The following PLPP3 variants were observed in gnomAD, a reference collection of about 807,000 sequenced individuals.
PLPP3 encodes the protein phospholipid phosphatase 3.
Under a neutral mutation model 29.6 loss-of-function variants are expected in PLPP3, and 6 were observed. The ratio of observed to expected loss-of-function variants is 0.20; its 90% CI spans 0.11 to 0.40. The LOEUF (loss-of-function observed/expected upper bound fraction) is 0.40. PLPP3 is among the 10% of genes least tolerant of loss of function. The pLI, the probability that PLPP3 is intolerant of heterozygous loss-of-function variation, is 1.00. For synonymous variants in PLPP3, 152 were observed against 159.7 expected (o/e 0.95, Z 0.36); for missense variants, 308 against 407.7 (o/e 0.76, Z 2.11).
intron 4 of PLPP3, among the ~76,000 whole-genome samples, chr1:56,516,735 A>C (rs1004301793): frequency 6.6e-6 from 1 of 151,750 alleles, no homozygotes; most frequent in African/African-American, 2.4e-5. Context: ...CTTGTATATA[A>C]TCTTAAAGGC....
chr1:56,568,332 AT>A (rs1258505879), intron 1 of PLPP3, among the ~76,000 whole-genome samples: 2 of 152,222 alleles, frequency 1.3e-5, no homozygotes, highest in African/African-American at 4.8e-5. Flanking sequence ...GAATATCTCA[AT>A]AAAGCTCTTT....
chr1:56,535,717 G>T (rs1569888303), intron 2 of PLPP3, among the ~76,000 whole-genome samples: 1 of 152,244 alleles, frequency 6.6e-6, no homozygotes, highest in South Asian at 2.1e-4. Flanking sequence ...GGAAGGATGG[G>T]AGGAGACACA....
chr1:56,547,025 T>C (rs1443069389), intron 1 of PLPP3, among the ~76,000 whole-genome samples: 1 of 152,158 alleles, frequency 6.6e-6, no homozygotes, highest in Admixed American at 6.5e-5. Context: ...CCATCAGATA[T>C]TTGTTGGCAT....
rs1208570699 is a variant in PLPP3 at position 56,524,690 on chromosome 1, T to G, written c.298-136A>C. On this transcript the variant is annotated intron_variant, in intron 2 of 5. Coordinates refer to ENST00000371250, the MANE Select transcript of PLPP3 (RefSeq NM_003713.5). The surrounding 1 kb of genome is among the most constrained non-coding windows in gnomAD (Gnocchi z 4.3). ...GTCCTAATTTTCTATTTATGAAATA[T>G]ACAGACACAAATATGCACAGAAGAA... 1 of 1,062,616 alleles carries G rather than the reference T, an allele frequency of 9.4e-7. No homozygotes were observed. The highest frequency in any genetic ancestry group is 1.3e-6 in the Non-Finnish European group (1 of 744,190). 65.8% of individuals were successfully genotyped at this position (1,062,616 alleles called of 1,614,324 possible).
At chr1:56,548,001 C>G (rs1187603239) in intron 1 of PLPP3, among the ~76,000 whole-genome samples, 1 of 152,218 alleles carries the variant, frequency 6.6e-6, no homozygotes, top group African/African-American at 2.4e-5. Flanking sequence ...CTCTTCCTTC[C>G]CAGTCCTGAA....
At chr1:56,506,581 C>G (rs555766612) in intron 5 of PLPP3, among the ~76,000 whole-genome samples, 169 of 152,344 alleles carry the variant, frequency 1.1e-3, no homozygotes, top group African/African-American at 3.9e-3. Flanking sequence ...CAGCCGGGCC[C>G]TCCCCTGACC....
intron 4 of PLPP3, chr1:56,512,657 C>T (rs1266453074): frequency 6.6e-6 from 1 of 152,234 alleles, no homozygotes; most frequent in Non-Finnish European, 1.5e-5. Context: ...TAAATAAATG[C>T]TGAGTCTTAG....
intron 1 of PLPP3, among the ~76,000 whole-genome samples, chr1:56,565,557 A>AT (rs1646156246): frequency 6.6e-6 from 1 of 152,006 alleles, no homozygotes; most frequent in African/African-American, 2.4e-5. Flanking sequence ...AGTAGCTGGG[A>AT]TTACAGGCAC....
intron 1 of PLPP3, among the ~76,000 whole-genome samples, chr1:56,557,536 C>T (rs963029790): frequency 1.3e-5 from 2 of 152,124 alleles, no homozygotes; most frequent in African/African-American, 4.8e-5. Context: ...ATACAGTAGG[C>T]AGTTGATACA....
At chr1:56,575,472 G>T (rs1646229352) in intron 1 of PLPP3, among the ~76,000 whole-genome samples, 1 of 152,304 alleles carries the variant, frequency 6.6e-6, no homozygotes, top group African/African-American at 2.4e-5. Context: ...CACGGTTGCT[G>T]ACCACCCAAA....
intron 1 of PLPP3, among the ~76,000 whole-genome samples, chr1:56,554,689 G>A (rs907841603): frequency 5.1e-4 from 78 of 152,250 alleles, no homozygotes; most frequent in African/African-American, 1.8e-3. Context: ...AGATGACTAG[G>A]GTAGCTCTTT....
intron 1 of PLPP3, among the ~76,000 whole-genome samples, chr1:56,544,307 T>G (rs368950470): frequency 1.3e-5 from 2 of 152,214 alleles, no homozygotes; most frequent in Admixed American, 1.3e-4. Context: ...GGTTCATATC[T>G]TTAATTGAAA....
chr1:56,560,897 G>A (rs952074289), intron 1 of PLPP3, among the ~76,000 whole-genome samples: 50 of 142,714 alleles, frequency 3.5e-4, no homozygotes, highest in Admixed American at 2.9e-3. Flanking sequence ...GAGTGCAGTG[G>A]CCTGATCTCG....
At chr1:56,511,913 G>A in intron 5 of PLPP3, 63 bp downstream of exon 5, 2 of 1,590,438 alleles carry the variant, frequency 1.3e-6, no homozygotes, top group Non-Finnish European at 1.7e-6. Context: ...CACTGAGCTG[G>A]AAACATTTAA....
At chr1:56,496,731 C>G (rs1017871964) in intron 5 of PLPP3, 55 bp from the exon 6 acceptor site, 9 of 1,599,454 alleles carry the variant, frequency 5.6e-6, no homozygotes, top group Non-Finnish European at 6.8e-6. Flanking sequence ...GGTCTGGGTA[C>G]AGAGGGAAAA....
chr1:56,520,582 A>G (rs1645811785), intron 4 of PLPP3, among the ~76,000 whole-genome samples: 1 of 151,948 alleles, frequency 6.6e-6, no homozygotes, highest in South Asian at 2.1e-4. Flanking sequence ...TTTGCAAATC[A>G]GCCAAACCTA....
intron 4 of PLPP3, among the ~76,000 whole-genome samples, chr1:56,519,645 G>A (rs769158450): frequency 6.6e-5 from 10 of 152,078 alleles, no homozygotes; most frequent in African/African-American, 1.9e-4. Context: ...CTCAGTCTCC[G>A]ACCATGGAGG....
intron 1 of PLPP3, among the ~76,000 whole-genome samples, chr1:56,546,828 CTTCAG>C (rs1646009263): frequency 6.6e-6 from 1 of 152,170 alleles, no homozygotes; most frequent in Non-Finnish European, 1.5e-5. Flanking sequence ...CATGGTTATG[CTTCAG>C]AAGATACAGT....
In PLPP3 at chr1:56,538,970, A is replaced by AAAAAAAAAAAAAAAAAAAAAAAAAC. The variant is rs1005848195; in HGVS notation, c.140-1859_140-1858insGTTTTTTTTTTTTTTTTTTTTTTTT. On this transcript the variant is annotated intron_variant, in intron 1 of 5. Coordinates refer to ENST00000371250, the MANE Select transcript of PLPP3 (RefSeq NM_003713.5). Reference sequence around the variant, plus strand: ...AGACTTCTGGGCTGCAAAAAAAAAAAACACAGTGGATAATACAGCCACTAT... The same window carrying AAAAAAAAAAAAAAAAAAAAAAAAAC: ...AGACTTCTGGGCTGCAAAAAAAAAAAAAAAAAAAAAAAAAAAAAAAAAAACACACAGTGGATAATACAGCCACTAT... 1.3e-5 allele frequency: 2 copies of AAAAAAAAAAAAAAAAAAAAAAAAAC among 150,772 alleles called. 1 individual carries two copies. Among genetic ancestry groups the AAAAAAAAAAAAAAAAAAAAAAAAAC allele is most frequent in the Non-Finnish European group, 3.0e-5 (2 of 67,604 alleles). The allele number at this position is 150,772 out of a possible 1,614,324, so 9.3% of individuals were successfully genotyped here.
Sources: allele counts gnomAD v4.1 joint callset (sites outside exome capture counted in the v4.1 genomes callset), GRCh38; gene constraint gnomAD v4.1.1; non-coding constraint Gnocchi (gnomAD v3.1); transcripts MANE v1.5; gene names NCBI Gene and HGNC (gene_info 2026-07-23, HGNC 2026-07-21).